TAFA2: variants seen among roughly 807,000 people sequenced by gnomAD.
TAFA2 encodes the protein TAFA chemokine like family member 2, also known as chemokine-like protein TAFA-2.
In TAFA2, 7 loss-of-function variants were observed where a neutral mutation model predicts 18.8. The ratio of observed to expected loss-of-function variants is 0.37; its 90% CI spans 0.21 to 0.70. TAFA2 has a LOEUF of 0.70. TAFA2 is among the 30% of genes least tolerant of loss of function. The pLI is 0.53. For missense variants in TAFA2, 122 were observed against 158.1 expected (o/e 0.77, Z 1.23); for synonymous variants, 60 against 54.2 (o/e 1.11, Z -0.47).
At chr12:61,864,562 A>C (rs1476720150) in intron 2 of TAFA2, among the ~76,000 whole-genome samples, 1 of 151,526 alleles carries the variant, frequency 6.6e-6, no homozygotes, top group African/African-American at 2.4e-5. Flanking sequence ...TCACGAGGTC[A>C]GGAGATCGAG....
chr12:62,206,069 A>G (rs1245511659), intron 1 of TAFA2, among the ~76,000 whole-genome samples: 1 of 152,078 alleles, frequency 6.6e-6, no homozygotes, highest in African/African-American at 2.4e-5. Context: ...AGTCCGAATG[A>G]GAGAACCTGG....
At chr12:62,090,071 C>G (rs1472275418) in intron 1 of TAFA2, among the ~76,000 whole-genome samples, 4 of 152,050 alleles carry the variant, frequency 2.6e-5, no homozygotes, top group African/African-American at 9.7e-5. Context: ...ACATAGCTAC[C>G]TCCAGGCCAA....
intron 1 of TAFA2, among the ~76,000 whole-genome samples, chr12:62,041,385 T>C (rs1472387573): frequency 2.0e-5 from 3 of 152,130 alleles, no homozygotes; most frequent in African/African-American, 4.8e-5. Flanking sequence ...GTGAACTCCA[T>C]GAAAAAAGTT....
At chr12:62,109,450 C>T (rs982154351) in intron 1 of TAFA2, among the ~76,000 whole-genome samples, 2 of 152,166 alleles carry the variant, frequency 1.3e-5, no homozygotes, top group Non-Finnish European at 2.9e-5. Context: ...TTAGGACTGT[C>T]TTGGCTATGC....
chr12:61,941,628 T>C (rs1009197860), intron 1 of TAFA2, among the ~76,000 whole-genome samples: 8 of 152,170 alleles, frequency 5.3e-5, no homozygotes, highest in African/African-American at 1.9e-4. Flanking sequence ...GGGCGAGGCA[T>C]TGCCTCACCT....
At chr12:62,088,286 T>A (rs144773828) in intron 1 of TAFA2, among the ~76,000 whole-genome samples, 1 of 151,472 alleles carries the variant, frequency 6.6e-6, no homozygotes, top group East Asian at 1.9e-4. Context: ...TCAGTAGCTA[T>A]GTAAATGTAC....
At chr12:62,250,389 T>C (rs1034424683) in intron 1 of TAFA2, among the ~76,000 whole-genome samples, 20 of 152,206 alleles carry the variant, frequency 1.3e-4, no homozygotes, top group African/African-American at 4.6e-4. Context: ...TTCATATTTT[T>C]ATGTTCATGA....
chr12:61,836,756 T>TATATATATATATATATATATATACAC (rs68158949), intron 2 of TAFA2, among the ~76,000 whole-genome samples: 403 of 119,558 alleles, frequency 3.4e-3, no homozygotes, highest in Non-Finnish European at 4.8e-3. Context: ...TATATATATA[T>TATATATATATATATATATATATACAC]ACACACACAC....
At chr12:62,051,695 C>T (rs995230537) in intron 1 of TAFA2, among the ~76,000 whole-genome samples, 1 of 151,752 alleles carries the variant, frequency 6.6e-6, no homozygotes, top group Non-Finnish European at 1.5e-5. Context: ...GCATACCTGT[C>T]ACCTGTCCAT....
At chr12:62,089,937 G>C (rs538786921) in intron 1 of TAFA2, among the ~76,000 whole-genome samples, 1 of 151,948 alleles carries the variant, frequency 6.6e-6, no homozygotes, top group Non-Finnish European at 1.5e-5. Flanking sequence ...CCATCAAATC[G>C]CATTCATTAT....
At chr12:61,734,422 A>G in intron 4 of TAFA2, among the ~76,000 whole-genome samples, 1 of 150,566 alleles carries the variant, frequency 6.6e-6, no homozygotes, top group Non-Finnish European at 1.5e-5. Context: ...CTAAATGACG[A>G]GTTAATGGGT....
chr12:61,925,354 A>G (rs748676116), intron 1 of TAFA2, among the ~76,000 whole-genome samples: 13 of 152,194 alleles, frequency 8.5e-5, no homozygotes, highest in Non-Finnish European at 1.8e-4. Flanking sequence ...CTCCTCTGCA[A>G]ATGTAAAAGA....
chr12:62,174,766 T>C (rs2062500874), intron 1 of TAFA2, among the ~76,000 whole-genome samples: 1 of 152,332 alleles, frequency 6.6e-6, no homozygotes, highest in Admixed American at 6.5e-5. Flanking sequence ...CTCTAAATAT[T>C]ATCAAAATCT....
intron 2 of TAFA2, among the ~76,000 whole-genome samples, chr12:61,825,176 A>G (rs1260752724): frequency 6.6e-6 from 1 of 152,172 alleles, no homozygotes; most frequent in Non-Finnish European, 1.5e-5. Context: ...AAGCAAAAGT[A>G]CAGAACATAG....
chr12:61,929,303 C>T (rs1357105999), intron 1 of TAFA2, among the ~76,000 whole-genome samples: 3 of 151,854 alleles, frequency 2.0e-5, no homozygotes, highest in Admixed American at 1.3e-4. Context: ...AAACACAATA[C>T]CCAAGAAAAA....
At chr12:61,927,215 A>G (rs993044703) in intron 1 of TAFA2, among the ~76,000 whole-genome samples, 1 of 152,166 alleles carries the variant, frequency 6.6e-6, no homozygotes, top group East Asian at 1.9e-4. Context: ...GAAGAGAGGA[A>G]GTCAAATAGT....
At chr12:61,733,849 T>C (rs1053997587) in intron 4 of TAFA2, among the ~76,000 whole-genome samples, 1 of 151,490 alleles carries the variant, frequency 6.6e-6, no homozygotes, top group Admixed American at 6.6e-5. Context: ...ATTGAATCTA[T>C]AAATTACCTT....
At chr12:61,843,454 T>C (rs1873273924) in intron 2 of TAFA2, among the ~76,000 whole-genome samples, 1 of 152,124 alleles carries the variant, frequency 6.6e-6, no homozygotes, top group Admixed American at 6.6e-5. Context: ...TTGCTTTGGA[T>C]AGTCCATACT....
At chr12:62,059,131 G>A (rs1490457434) in intron 1 of TAFA2, among the ~76,000 whole-genome samples, 4 of 120,806 alleles carry the variant, frequency 3.3e-5, no homozygotes, top group African/African-American at 1.3e-4. Context: ...ATATATATAT[G>A]TGTGTATATG....
Sources: allele counts gnomAD v4.1 joint callset (sites outside exome capture counted in the v4.1 genomes callset), GRCh38; gene constraint gnomAD v4.1.1; transcripts MANE v1.5; gene names NCBI Gene and HGNC (gene_info 2026-07-23, HGNC 2026-07-21).